The following CCSER1 variants were observed in gnomAD, a reference collection of about 807,000 sequenced individuals.
The protein encoded by CCSER1 is coiled-coil serine rich protein 1, also known as serine-rich coiled-coil domain-containing protein 1.
CCSER1 carries 41 observed loss-of-function variants against 82.0 expected under a neutral mutation model. That is an observed-to-expected ratio of 0.50 (90% CI 0.39 to 0.65). CCSER1 has a LOEUF of 0.65. Among genes scored for constraint, CCSER1 ranks in the 30% least tolerant of loss-of-function variants. The pLI, the probability that CCSER1 is intolerant of heterozygous loss-of-function variation, is 0.00. For synonymous variants in CCSER1, 414 were observed against 383.9 expected, an observed-to-expected ratio of 1.08 and a Z score of -0.92; for missense variants, 1,119 against 1,064.2, an observed-to-expected ratio of 1.05 and a Z score of -0.72.
At chr4:91,442,879 C>G (rs1755281679) in intron 10 of CCSER1, among the ~76,000 whole-genome samples, 1 of 152,176 alleles carries the variant, frequency 6.6e-6, no homozygotes, top group Admixed American at 6.5e-5. Context: ...AAACTGCTCA[C>G]CATCACTGGC....
intron 10 of CCSER1, among the ~76,000 whole-genome samples, chr4:91,427,126 A>T (rs542410065): frequency 6.6e-4 from 101 of 152,284 alleles, no homozygotes; most frequent in African/African-American, 2.4e-3. Flanking sequence ...ACAGATAAGG[A>T]AGATAGAAGT....
intron 8 of CCSER1, among the ~76,000 whole-genome samples, chr4:90,819,223 C>T (rs2149781013): frequency 6.6e-6 from 1 of 152,224 alleles, no homozygotes; most frequent in East Asian, 1.9e-4. Context: ...CTTCTAAAGA[C>T]ACTAATCCTG....
intron 7 of CCSER1, among the ~76,000 whole-genome samples, chr4:90,736,402 A>G (rs1483544183): frequency 2.0e-5 from 3 of 152,032 alleles, no homozygotes; most frequent in Admixed American, 6.6e-5. Flanking sequence ...TTGGGTGTGT[A>G]TATATTTACA....
At chr4:90,307,182 C>T (rs1229744629) in intron 1 of CCSER1, among the ~76,000 whole-genome samples, 1 of 152,060 alleles carries the variant, frequency 6.6e-6, no homozygotes, top group Non-Finnish European at 1.5e-5. Flanking sequence ...GTACCTGGTA[C>T]GTAGCAGTTG....
At chr4:91,270,213 T>C (rs1741914094) in intron 10 of CCSER1, among the ~76,000 whole-genome samples, 1 of 152,152 alleles carries the variant, frequency 6.6e-6, no homozygotes, top group South Asian at 2.1e-4. Context: ...TAACACTGTT[T>C]TGCTTTTTGA....
At chr4:91,427,734 G>C (rs1431476681) in intron 10 of CCSER1, among the ~76,000 whole-genome samples, 1 of 152,028 alleles carries the variant, frequency 6.6e-6, no homozygotes. Flanking sequence ...TATAATAATT[G>C]TATTTACTAT....
chr4:91,058,950 G>T (rs1743691805), intron 9 of CCSER1, among the ~76,000 whole-genome samples: 1 of 151,928 alleles, frequency 6.6e-6, no homozygotes, highest in Non-Finnish European at 1.5e-5. Context: ...ATCATAATTT[G>T]CATCCTACTC....
intron 8 of CCSER1, among the ~76,000 whole-genome samples, chr4:90,921,854 T>C (rs942636436): frequency 6.6e-6 from 1 of 152,096 alleles, no homozygotes; most frequent in Non-Finnish European, 1.5e-5. Flanking sequence ...ATCAAACTTT[T>C]GTAAATAACC....
At chr4:90,387,318 C>CT (rs955727128) in intron 3 of CCSER1, among the ~76,000 whole-genome samples, 9 of 151,596 alleles carry the variant, frequency 5.9e-5, no homozygotes, top group African/African-American at 2.2e-4. Flanking sequence ...CTTTTTTTAA[C>CT]TTTAGGCTTA....
At chr4:90,205,601 A>T (rs888766822) in intron 1 of CCSER1, among the ~76,000 whole-genome samples, 1 of 152,054 alleles carries the variant, frequency 6.6e-6, no homozygotes, top group Admixed American at 6.6e-5. Flanking sequence ...CAGTTTGCCA[A>T]TATTTTATTG....
At chr4:91,572,292 T>C (rs73836229) in intron 10 of CCSER1, among the ~76,000 whole-genome samples, 21,729 of 152,086 alleles carry the variant, frequency 0.14, 1,847 homozygotes, top group African/African-American at 0.24. Context: ...CCTGTCCATC[T>C]CTCTGGGAGC....
At chr4:90,875,481 A>G (rs1358480782) in intron 8 of CCSER1, among the ~76,000 whole-genome samples, 3 of 152,214 alleles carry the variant, frequency 2.0e-5, no homozygotes, top group Non-Finnish European at 4.4e-5. Context: ...GTTGAAGTCT[A>G]TTCATTTATC....
chr4:91,468,173 TA>T (rs1256769430), intron 10 of CCSER1, among the ~76,000 whole-genome samples: 4 of 152,104 alleles, frequency 2.6e-5, no homozygotes, highest in South Asian at 2.1e-4. Context: ...TATGCAGCCA[TA>T]AAAAAGGAAG....
At chr4:90,484,610 G>T (rs192033385) in intron 5 of CCSER1, among the ~76,000 whole-genome samples, 1 of 152,188 alleles carries the variant, frequency 6.6e-6, no homozygotes, top group Non-Finnish European at 1.5e-5. Context: ...CTCAGCTGCA[G>T]GTCTGTTGGA....
intron 5 of CCSER1, among the ~76,000 whole-genome samples, chr4:90,508,976 G>T (rs1771102255): frequency 1.3e-5 from 2 of 151,644 alleles, no homozygotes; most frequent in South Asian, 2.1e-4. Context: ...TTCTTTTTTA[G>T]GAAACTTTGA....
intron 6 of CCSER1, among the ~76,000 whole-genome samples, chr4:90,704,067 A>G (rs889755156): frequency 2.0e-5 from 3 of 152,140 alleles, no homozygotes; most frequent in South Asian, 2.1e-4. Flanking sequence ...TCTTCCAAGC[A>G]TCGATGGTCT....
intron 1 of CCSER1, among the ~76,000 whole-genome samples, chr4:90,285,221 A>G (rs185592550): frequency 2.2e-3 from 330 of 152,182 alleles, no homozygotes; most frequent in Non-Finnish European, 3.9e-3. Context: ...TTGAATCTGT[A>G]GAATTCTTCA....
chr4:91,149,019 C>G (rs948015460), intron 10 of CCSER1, among the ~76,000 whole-genome samples: 1 of 67,658 alleles, frequency 1.5e-5, no homozygotes, highest in African/African-American at 4.4e-5. Context: ...ATGGCTGGGT[C>G]AAATATTTCT....
intron 10 of CCSER1, among the ~76,000 whole-genome samples, chr4:91,571,370 TTACTC>T (rs1374052389): frequency 2.0e-5 from 3 of 152,290 alleles, no homozygotes; most frequent in South Asian, 2.1e-4. Flanking sequence ...TGGTAGCAAT[TTACTC>T]TATTAGATTG....
Sources: allele counts gnomAD v4.1 joint callset (sites outside exome capture counted in the v4.1 genomes callset), GRCh38; gene constraint gnomAD v4.1.1; transcripts MANE v1.5; gene names NCBI Gene and HGNC (gene_info 2026-07-23, HGNC 2026-07-21).